Variants in CCSER1 observed in about 807,000 individuals in gnomAD.
CCSER1 encodes coiled-coil serine rich protein 1.
A neutral mutation model predicts 82.0 loss-of-function variants in CCSER1; 41 were observed. The ratio of observed to expected loss-of-function variants is 0.50; its 90% CI spans 0.39 to 0.65. The LOEUF (loss-of-function observed/expected upper bound fraction) is 0.65, where lower values mean the gene tolerates loss of function less well. CCSER1 is among the 30% of genes least tolerant of loss of function. CCSER1 has a pLI of 0.00. For missense variants in CCSER1, 1,119 were observed against 1,064.2 expected (o/e 1.05, Z -0.72); for synonymous variants, 414 against 383.9 (o/e 1.08, Z -0.92).
At chr4:90,339,663 T>TG (rs1394579475) in intron 3 of CCSER1, among the ~76,000 whole-genome samples, 2 of 152,142 alleles carry the variant, frequency 1.3e-5, no homozygotes, top group Non-Finnish European at 2.9e-5. Flanking sequence ...TACTGCATGT[T>TG]GTCCTCCCTC....
chr4:90,574,854 A>T lies in CCSER1; in HGVS notation c.1725-53171A>T, dbSNP rs148939688. On this transcript the variant is annotated intron_variant, in intron 5 of 10. Transcript: ENST00000509176. Reference sequence around the variant, plus strand: ...TTAATATAATAATTTCTCCCTCCAAACATCACAAACTTTTAATGTCTGATG... The same window carrying T: ...TTAATATAATAATTTCTCCCTCCAATCATCACAAACTTTTAATGTCTGATG... 6.2e-3 allele frequency among the ~76,000 whole-genome samples: 936 copies of T among 152,112 alleles called. 10 individuals are homozygous for T. Among genetic ancestry groups the T allele is most frequent in the African/African-American group, 0.021 (879 of 41,494 alleles).
At chr4:91,285,197 C>T (rs369652408) in intron 10 of CCSER1, among the ~76,000 whole-genome samples, 4 of 149,754 alleles carry the variant, frequency 2.7e-5, no homozygotes, top group African/African-American at 7.4e-5. Context: ...ATAGGCATTA[C>T]GGCAGTATTA....
intron 7 of CCSER1, among the ~76,000 whole-genome samples, chr4:90,800,551 C>T (rs1477018813): frequency 1.3e-5 from 2 of 152,216 alleles, no homozygotes; most frequent in African/African-American, 4.8e-5. Context: ...GAGACTCTCA[C>T]AACCTCTTAA....
chr4:91,086,835 T>G (rs540637366), intron 10 of CCSER1, among the ~76,000 whole-genome samples: 1 of 152,078 alleles, frequency 6.6e-6, no homozygotes, highest in East Asian at 1.9e-4. Context: ...GACATTTTAG[T>G]TCCTAGTGAA....
At chr4:90,641,638 A>G (rs186898279) in intron 6 of CCSER1, among the ~76,000 whole-genome samples, 1 of 152,184 alleles carries the variant, frequency 6.6e-6, no homozygotes, top group Admixed American at 6.6e-5. Flanking sequence ...GCCTACTCCT[A>G]TGCTGTCAAT....
chr4:90,148,409 T>G (rs1726217448), intron 1 of CCSER1, among the ~76,000 whole-genome samples: 1 of 152,116 alleles, frequency 6.6e-6, no homozygotes, highest in Admixed American at 6.6e-5. Context: ...ATTGTACAGT[T>G]TTTTTGCATT....
chr4:90,410,303 T>C (rs1560473550), intron 4 of CCSER1, among the ~76,000 whole-genome samples: 1 of 152,162 alleles, frequency 6.6e-6, no homozygotes, highest in Non-Finnish European at 1.5e-5. Context: ...TGCAGAACTC[T>C]CCACCCCAAA....
intron 3 of CCSER1, among the ~76,000 whole-genome samples, chr4:90,394,931 G>A (rs1053078649): frequency 6.6e-6 from 1 of 152,014 alleles, no homozygotes; most frequent in Admixed American, 6.6e-5. Context: ...TATCATTTTT[G>A]TGGTGAAAAC....
intron 6 of CCSER1, among the ~76,000 whole-genome samples, chr4:90,694,701 G>T (rs763847978): frequency 4.0e-5 from 6 of 151,896 alleles, no homozygotes; most frequent in Non-Finnish European, 7.4e-5. Flanking sequence ...TATAAAGAAT[G>T]AGAACACTTG....
At chr4:91,434,197 G>T (rs1032389408) in intron 10 of CCSER1, among the ~76,000 whole-genome samples, 1 of 148,490 alleles carries the variant, frequency 6.7e-6, no homozygotes, top group Non-Finnish European at 1.5e-5. Flanking sequence ...CTTTTTGTTT[G>T]TTTTTTTTTT....
chr4:90,988,171 A>C (rs1736721849), intron 9 of CCSER1, among the ~76,000 whole-genome samples: 1 of 151,190 alleles, frequency 6.6e-6, no homozygotes, highest in South Asian at 2.1e-4. Flanking sequence ...AAAAATGAAA[A>C]TTAAAAAATT....
rs528917772 is a variant in CCSER1 at position 91,100,627 on chromosome 4, C to A, written c.2217+14633C>A. Among the ~76,000 whole-genome samples the A allele has an allele frequency of 6.6e-5, 10 of 152,204 alleles. No individual in the cohort carries two copies. In the South Asian group the frequency reaches 1.9e-3, roughly 28 times the overall value. ...TATTTAACCTCAAATATTCTATTTCCACATGTTATATTACAGATGAGAGAA... is the reference window on the plus strand; with the variant it reads ...TATTTAACCTCAAATATTCTATTTCAACATGTTATATTACAGATGAGAGAA... On this transcript the variant is annotated intron_variant, in intron 10 of 10. Coordinates refer to ENST00000509176, the MANE Select transcript of CCSER1 (RefSeq NM_001145065.2).
At chr4:91,378,962 G>C (rs1228537435) in intron 10 of CCSER1, among the ~76,000 whole-genome samples, 1 of 152,096 alleles carries the variant, frequency 6.6e-6, no homozygotes, top group Admixed American at 6.6e-5. Flanking sequence ...TAGCATGAAG[G>C]GCTGTTGAAT....
intron 9 of CCSER1, among the ~76,000 whole-genome samples, chr4:90,967,342 G>A (rs887888989): frequency 1.1e-4 from 17 of 151,856 alleles, no homozygotes; most frequent in African/African-American, 2.7e-4. Flanking sequence ...CCAGCTACCC[G>A]GGAGGCTGAG....
At chr4:91,024,273 T>A (rs976678305) in intron 9 of CCSER1, among the ~76,000 whole-genome samples, 1 of 152,180 alleles carries the variant, frequency 6.6e-6, no homozygotes, top group Non-Finnish European at 1.5e-5. Flanking sequence ...AGTAAGGTGT[T>A]TACAAACTTT....
chr4:90,419,867 C>A (rs962364374), intron 4 of CCSER1, among the ~76,000 whole-genome samples: 2 of 151,828 alleles, frequency 1.3e-5, no homozygotes, highest in African/African-American at 4.8e-5. Context: ...CTTTAACTAT[C>A]CAGGAAGTGT....
intron 10 of CCSER1, among the ~76,000 whole-genome samples, chr4:91,368,288 A>C (rs1341541681): frequency 1.3e-5 from 2 of 152,120 alleles, no homozygotes; most frequent in African/African-American, 2.4e-5. Context: ...ATATTTACTC[A>C]CAGTAATATG....
chr4:90,357,905 T>C (rs1202665582), intron 3 of CCSER1, among the ~76,000 whole-genome samples: 2 of 152,158 alleles, frequency 1.3e-5, no homozygotes, highest in East Asian at 3.9e-4. Flanking sequence ...ACAAATGATA[T>C]TCAAAATATT....
At chr4:91,306,806 T>A (rs1745100122) in intron 10 of CCSER1, among the ~76,000 whole-genome samples, 1 of 152,048 alleles carries the variant, frequency 6.6e-6, no homozygotes, top group Non-Finnish European at 1.5e-5. Flanking sequence ...AGCTATTAAT[T>A]TAGGTTAACT....
Sources: gnomAD v4.1 joint callset for allele counts (sites outside exome capture counted in the v4.1 genomes callset) on GRCh38, gnomAD v4.1.1 for gene constraint, MANE v1.5 for transcripts, NCBI Gene and HGNC (gene_info 2026-07-23, HGNC 2026-07-21) for gene names.